The following MNAT1 variants were observed in gnomAD, a reference collection of about 807,000 sequenced individuals.
The protein encoded by MNAT1 is CDK-activating kinase assembly factor MAT1.
A neutral mutation model predicts 42.0 loss-of-function variants in MNAT1; 43 were observed. The observed-to-expected ratio is 1.02, with a 90% CI of 0.80 to 1.32. The LOEUF (loss-of-function observed/expected upper bound fraction) is 1.32. Among genes scored for constraint, MNAT1 ranks in the 40% most tolerant of loss-of-function variants. MNAT1 has a pLI of 0.00. For synonymous variants in MNAT1, 118 were observed against 120.0 expected (o/e 0.98, Z 0.11); for missense variants, 306 against 350.4 (o/e 0.87, Z 1.01).
At chr14:60,844,827 G>A (rs2033643833) in intron 6 of MNAT1, among the ~76,000 whole-genome samples, 1 of 151,882 alleles carries the variant, frequency 6.6e-6, no homozygotes, top group African/African-American at 2.4e-5. Flanking sequence ...TGAAATTTTT[G>A]AAAAGTTATG....
chr14:60,918,198 CTTTTTTTTTTT>C (rs386381525), intron 7 of MNAT1, among the ~76,000 whole-genome samples: 36 of 48,622 alleles, frequency 7.4e-4, no homozygotes, highest in Admixed American at 1.6e-3. Flanking sequence ...ATTAATTGTT[CTTTTTTTTTTT>C]TTTTTTTTTT....
intron 7 of MNAT1, among the ~76,000 whole-genome samples, chr14:60,901,106 C>T (rs2035064074): frequency 6.7e-6 from 1 of 149,380 alleles, no homozygotes; most frequent in Non-Finnish European, 1.5e-5. Flanking sequence ...GCAAATGCAG[C>T]TGGTGACTTT....
chr14:60,850,124 A>G (rs953530096), intron 6 of MNAT1, among the ~76,000 whole-genome samples: 10 of 152,058 alleles, frequency 6.6e-5, no homozygotes, highest in African/African-American at 2.2e-4. Flanking sequence ...GGTGTGGGCC[A>G]CCTCACCTGG....
chr14:60,881,149 T>C (rs1338053382), intron 7 of MNAT1, among the ~76,000 whole-genome samples: 2 of 152,174 alleles, frequency 1.3e-5, no homozygotes, highest in Non-Finnish European at 2.9e-5. Flanking sequence ...TTTTCTTATG[T>C]CCGGGTAGCT....
chr14:60,943,388 G>A (rs1486952874), intron 7 of MNAT1, among the ~76,000 whole-genome samples: 2 of 152,142 alleles, frequency 1.3e-5, no homozygotes. Context: ...AATTCTAGGA[G>A]ATAAGCAAGG....
intron 7 of MNAT1, among the ~76,000 whole-genome samples, chr14:60,931,794 A>G (rs1466125083): frequency 1.3e-4 from 19 of 151,942 alleles, no homozygotes. Context: ...AACCTTTGAC[A>G]CTCTGAAAAG....
intron 7 of MNAT1, among the ~76,000 whole-genome samples, chr14:60,882,412 G>T (rs78066258): frequency 6.6e-6 from 1 of 152,034 alleles, no homozygotes; most frequent in Admixed American, 6.6e-5. Context: ...TGACAGGATC[G>T]CATACCTTTT....
intron 7 of MNAT1, among the ~76,000 whole-genome samples, chr14:60,948,284 A>C (rs2036319521): frequency 6.6e-6 from 1 of 152,128 alleles, no homozygotes; most frequent in Non-Finnish European, 1.5e-5. Context: ...TTTAAAAATT[A>C]GCTGGGCATG....
intron 1 of MNAT1, among the ~76,000 whole-genome samples, chr14:60,784,092 C>T (rs904871627): frequency 2.0e-5 from 3 of 151,484 alleles, no homozygotes; most frequent in Non-Finnish European, 4.4e-5. Context: ...CTGCAACCTC[C>T]GCCTCCGCCT....
At chr14:60,856,692 T>G (rs893682821) in intron 6 of MNAT1, among the ~76,000 whole-genome samples, 4 of 151,652 alleles carry the variant, frequency 2.6e-5, no homozygotes, top group Non-Finnish European at 5.9e-5. Flanking sequence ...GCTTTTTTTT[T>G]TTTTTTTGAG....
chr14:60,934,761 A>G (rs2035957881), intron 7 of MNAT1, among the ~76,000 whole-genome samples: 1 of 152,148 alleles, frequency 6.6e-6, no homozygotes, highest in Admixed American at 6.5e-5. Flanking sequence ...CACATTGCTC[A>G]TTTCATCTCT....
chr14:60,934,268 C>T (rs571447255), intron 7 of MNAT1, among the ~76,000 whole-genome samples: 3 of 152,308 alleles, frequency 2.0e-5, no homozygotes, highest in East Asian at 3.9e-4. Context: ...TTTAGGACAT[C>T]ACTGGAAACA....
At chr14:60,907,440 A>G (rs1594856753) in intron 7 of MNAT1, among the ~76,000 whole-genome samples, 1 of 146,464 alleles carries the variant, frequency 6.8e-6, no homozygotes, top group Non-Finnish European at 1.5e-5. Flanking sequence ...CTCACCAAAA[A>G]AAAAAAAAAA....
At chr14:60,904,805 G>A (rs2035158516) in intron 7 of MNAT1, among the ~76,000 whole-genome samples, 1 of 151,662 alleles carries the variant, frequency 6.6e-6, no homozygotes, top group Admixed American at 6.6e-5. Flanking sequence ...ATTTTTACAG[G>A]ACCCTTAAAA....
At chr14:60,769,275 A>G (rs759419839) in intron 1 of MNAT1, among the ~76,000 whole-genome samples, 3 of 151,842 alleles carry the variant, frequency 2.0e-5, no homozygotes, top group Admixed American at 2.0e-4. Flanking sequence ...CTTTTTTAAG[A>G]TATATTTTAA....
intron 1 of MNAT1, among the ~76,000 whole-genome samples, chr14:60,784,271 G>A (rs530363228): frequency 2.1e-4 from 28 of 132,554 alleles, no homozygotes; most frequent in African/African-American, 7.3e-4. Flanking sequence ...TGATCCACCC[G>A]CCTCTGCCTC....
intron 6 of MNAT1, among the ~76,000 whole-genome samples, chr14:60,838,206 G>C (rs1416261856): frequency 6.6e-5 from 10 of 151,804 alleles, no homozygotes; most frequent in Admixed American, 6.6e-4. Flanking sequence ...GGCGATCACT[G>C]CTCAATGCAG....
intron 7 of MNAT1, among the ~76,000 whole-genome samples, chr14:60,929,166 AAAAAAT>A (rs1444907495): frequency 6.4e-4 from 68 of 106,640 alleles, no homozygotes; most frequent in East Asian, 3.2e-3. Context: ...AAAAAAAAAA[AAAAAAT>A]ATATATATAT....
intron 5 of MNAT1, among the ~76,000 whole-genome samples, chr14:60,815,253 G>A (rs1427341472): frequency 6.7e-6 from 1 of 149,396 alleles, no homozygotes; most frequent in South Asian, 2.1e-4. Flanking sequence ...GTCTTGCTCT[G>A]TGCCCCAGCT....
Sources: allele counts gnomAD v4.1 joint callset (sites outside exome capture counted in the v4.1 genomes callset), GRCh38; gene constraint gnomAD v4.1.1; transcripts MANE v1.5; gene names NCBI Gene and HGNC (gene_info 2026-07-23, HGNC 2026-07-21).